Variants in NEK10 observed in about 807,000 individuals in gnomAD.
NEK10 encodes serine/threonine-protein kinase Nek10.
NEK10 carries 122 observed loss-of-function variants against 159.8 expected under a neutral mutation model. The observed-to-expected ratio is 0.76, with a 90% CI of 0.66 to 0.89. The LOEUF is 0.89. NEK10 is among the 40% of genes least tolerant of loss of function. The pLI is 0.00. For missense variants in NEK10, 1,342 were observed against 1,323.1 expected (o/e 1.01, Z -0.22); for synonymous variants, 466 against 457.1 (o/e 1.02, Z -0.25).
At chr3:27,336,372 A>G (rs536366117) in intron 5 of NEK10, among the ~76,000 whole-genome samples, 119 of 152,300 alleles carry the variant, frequency 7.8e-4, no homozygotes, top group Admixed American at 3.5e-3. Flanking sequence ...TTAAAAATGA[A>G]AAGCCTAGGA....
At chr3:27,320,002 G>A (rs1195655102) in intron 6 of NEK10, among the ~76,000 whole-genome samples, 7 of 152,202 alleles carry the variant, frequency 4.6e-5, no homozygotes, top group Non-Finnish European at 8.8e-5. Context: ...GTCGCAAGTT[G>A]TAGTAAACCC....
chr3:27,187,550 AGGGAT>A (rs1948735048), intron 26 of NEK10, among the ~76,000 whole-genome samples: 1 of 152,188 alleles, frequency 6.6e-6, no homozygotes, highest in Non-Finnish European at 1.5e-5. Flanking sequence ...TTAAAAGGCC[AGGGAT>A]GGAAGAGAAA....
rs1184330253 is a variant in NEK10 at position 27,282,619 on chromosome 3, A to ATATATATATACATAACTGTGT, written c.2014+1962_2014+1982dup. 5.1e-3 allele frequency among the ~76,000 whole-genome samples: 647 copies of ATATATATATACATAACTGTGT among 127,236 alleles called. 21 individuals carry two copies. The highest frequency in any genetic ancestry group is 5.4e-3 in the South Asian group (23 of 4,242). 83.5% of individuals were successfully genotyped at this position (127,236 alleles called of 152,430 possible). A position where few individuals can be genotyped will look rare whatever the true frequency, so the allele number is the denominator to read the frequency against. ...TTATATATATATACATAACTGTGTT[A>ATATATATATACATAACTGTGT]TATATATATACATAACTGTGTTATA... On this transcript the variant is annotated intron_variant, in intron 22 of 35. Transcript: ENST00000691995.
intron 23 of NEK10, among the ~76,000 whole-genome samples, chr3:27,209,738 T>C (rs1950839877): frequency 6.6e-6 from 1 of 152,194 alleles, no homozygotes; most frequent in Non-Finnish European, 1.5e-5. Flanking sequence ...TTAGGTCACC[T>C]AGCTCCTGTG....
Position 27,162,238 on chromosome 3 carries a change from AT to A in NEK10, c.2869+462del. The A allele has an allele frequency of 4.1e-6, 3 of 731,944 alleles. No individual in the cohort carries two copies. In the South Asian group the frequency reaches 7.8e-5, roughly 19 times the overall value. The allele number at this position is 731,944 out of a possible 1,614,324, so 45.3% of individuals were successfully genotyped here. On this transcript the variant is annotated intron_variant, in intron 30 of 35. Coordinates refer to ENST00000691995, the MANE Select transcript of NEK10 (RefSeq NM_001394966.1). The stretch of plus-strand genomic sequence containing the variant: ...CATTCCCGCCACGGCAGAAATGCAA[AT>A]TTTGGAAAAAACAGCCCATAATATT...
At chr3:27,337,324 G>A (rs2046874630) in intron 5 of NEK10, among the ~76,000 whole-genome samples, 1 of 151,646 alleles carries the variant, frequency 6.6e-6, no homozygotes, top group Non-Finnish European at 1.5e-5. Flanking sequence ...AAACTAAGGA[G>A]GACACAAAGG....
chr3:27,217,302 G>A (rs1482020021), intron 23 of NEK10, among the ~76,000 whole-genome samples: 1 of 152,166 alleles, frequency 6.6e-6, no homozygotes, highest in East Asian at 1.9e-4. Flanking sequence ...CTGAGACTGG[G>A]TAATTTATAA....
At chr3:27,152,573 A>C (rs1163987114) in intron 30 of NEK10, among the ~76,000 whole-genome samples, 2 of 152,156 alleles carry the variant, frequency 1.3e-5, no homozygotes, top group African/African-American at 4.8e-5. Context: ...CTAAAACAAA[A>C]ATACAAGTTA....
At chr3:27,161,171 G>A (rs1232652526) in intron 30 of NEK10, among the ~76,000 whole-genome samples, 3 of 152,084 alleles carry the variant, frequency 2.0e-5, no homozygotes, top group African/African-American at 7.2e-5. Context: ...ACTGTCAATT[G>A]CTTACATATA....
intron 32 of NEK10, 47 bp downstream of exon 32, chr3:27,131,833 G>C (rs1343137892): frequency 9.7e-7 from 1 of 1,025,966 alleles, no homozygotes; most frequent in African/African-American, 1.6e-5. Context: ...TACCTCTTAT[G>C]ATGTGGTTTT....
chr3:27,319,120 T>A (rs569343805), intron 6 of NEK10, among the ~76,000 whole-genome samples: 7 of 152,312 alleles, frequency 4.6e-5, no homozygotes, highest in Admixed American at 3.9e-4. Context: ...ATCGCACTAT[T>A]TTTTATTATT....
At chr3:27,230,304 T>G (rs888497652) in intron 23 of NEK10, among the ~76,000 whole-genome samples, 1 of 152,058 alleles carries the variant, frequency 6.6e-6, no homozygotes, top group Non-Finnish European at 1.5e-5. Flanking sequence ...AAAGTCTTTT[T>G]CAGACAAACA....
rs1286854248 is a variant in NEK10 at position 27,352,359 on chromosome 3, G to A, written c.132+106C>T. 5.2e-6 allele frequency: 4 copies of A among 761,922 alleles called. No homozygotes were observed. The East Asian group carries it at 7.7e-5, about 15-fold the overall frequency. The allele number at this position is 761,922 out of a possible 1,614,324, so 47.2% of individuals were successfully genotyped here. A position where few individuals can be genotyped will look rare whatever the true frequency, so the allele number is the denominator to read the frequency against. On this transcript the variant is annotated intron_variant, in intron 3 of 35. Transcript: ENST00000691995. ...AAGAAAGAGCAAAGATGTGAATAAT[G>A]AGCAAAGAAAAGCAGACATATCATT...
intron 35 of NEK10, among the ~76,000 whole-genome samples, chr3:27,112,973 C>T (rs149127213): frequency 1.3e-5 from 2 of 152,336 alleles, no homozygotes; most frequent in Non-Finnish European, 2.9e-5. Context: ...GTGTTATTCA[C>T]AGTTTGTGGA....
intron 22 of NEK10, among the ~76,000 whole-genome samples, chr3:27,257,944 A>C (rs1422809614): frequency 1.3e-5 from 2 of 151,908 alleles, no homozygotes; most frequent in East Asian, 3.9e-4. Context: ...GCCCGCCAGC[A>C]CGTCCAGCTA....
chr3:27,202,806 A>G (rs1950168327), intron 23 of NEK10, among the ~76,000 whole-genome samples: 1 of 152,152 alleles, frequency 6.6e-6, no homozygotes, highest in African/African-American at 2.4e-5. Flanking sequence ...TATGCATCCA[A>G]GGGTGTTTAT....
chr3:27,188,514 C>G (rs796867217), intron 26 of NEK10, among the ~76,000 whole-genome samples: 35 of 152,276 alleles, frequency 2.3e-4, no homozygotes, highest in African/African-American at 8.4e-4. Context: ...CCAAACTGAA[C>G]AAACTTATTA....
intron 30 of NEK10, among the ~76,000 whole-genome samples, chr3:27,142,435 CTT>C (rs926517028): frequency 9.9e-5 from 15 of 152,008 alleles, no homozygotes; most frequent in African/African-American, 3.1e-4. Flanking sequence ...TCTTCCTTCT[CTT>C]TCTCTTTCCT....
chr3:27,185,150 A>T (rs1412658555), intron 26 of NEK10, among the ~76,000 whole-genome samples: 1 of 152,208 alleles, frequency 6.6e-6, no homozygotes, highest in East Asian at 1.9e-4. Context: ...GAATTTAAAA[A>T]ATAATATTTG....
Sources: gnomAD v4.1 joint callset for allele counts (sites outside exome capture counted in the v4.1 genomes callset) on GRCh38, gnomAD v4.1.1 for gene constraint, MANE v1.5 for transcripts, NCBI Gene and HGNC (gene_info 2026-07-23, HGNC 2026-07-21) for gene names.